Variants in STPG2 observed in about 807,000 individuals in gnomAD.
The protein encoded by STPG2 is sperm tail PG-rich repeat containing 2, also known as sperm-tail PG-rich repeat-containing protein 2.
In STPG2, 56 loss-of-function variants were observed where a neutral mutation model predicts 54.2. That is an observed-to-expected ratio of 1.03 (90% CI 0.83 to 1.29). STPG2 has a LOEUF of 1.29. Among genes scored for constraint, STPG2 ranks in the 50% most tolerant of loss-of-function variants. STPG2 has a pLI of 0.00. For missense variants in STPG2, 596 were observed against 544.9 expected (o/e 1.09, Z -0.93); for synonymous variants, 200 against 181.8 (o/e 1.10, Z -0.81).
chr4:97,992,640 T>A (rs1735057939), intron 5 of STPG2, among the ~76,000 whole-genome samples: 1 of 152,134 alleles, frequency 6.6e-6, no homozygotes, highest in African/African-American at 2.4e-5. Context: ...TGAAGAATTA[T>A]GGTGGTATTT....
chr4:98,045,771 G>C (rs1321682763), intron 5 of STPG2, among the ~76,000 whole-genome samples: 2 of 151,970 alleles, frequency 1.3e-5, no homozygotes, highest in Non-Finnish European at 2.9e-5. Flanking sequence ...ATGTACACAA[G>C]TTGCTTTTCT....
chr4:97,493,487 G>A (rs1023288526), intron 4 of STPG2, among the ~76,000 whole-genome samples: 12 of 151,308 alleles, frequency 7.9e-5, no homozygotes, highest in Non-Finnish European at 1.8e-4. Context: ...GGAGTTTTAA[G>A]GGAAGTGAGA....
intron 9 of STPG2, among the ~76,000 whole-genome samples, chr4:97,821,113 T>C (rs1351326602): frequency 6.6e-6 from 1 of 152,052 alleles, no homozygotes; most frequent in African/African-American, 2.4e-5. Flanking sequence ...TATGGGCCTA[T>C]AAAATCAAAA....
At chr4:98,003,596 T>C (rs989444032) in intron 5 of STPG2, among the ~76,000 whole-genome samples, 1 of 152,112 alleles carries the variant, frequency 6.6e-6, no homozygotes, top group African/African-American at 2.4e-5. Flanking sequence ...TTAAAAAGAC[T>C]ACATGAAATC....
chr4:97,874,721 C>A (rs1730112276), intron 8 of STPG2, among the ~76,000 whole-genome samples: 1 of 151,478 alleles, frequency 6.6e-6, no homozygotes, highest in Non-Finnish European at 1.5e-5. Context: ...ACTCAATGTG[C>A]CCCCCCAAAA....
At position 97,478,988 on chromosome 4, in the gene STPG2, T is replaced by A. The variant is rs192965023; in HGVS notation, c.462+233711A>T. On this transcript the variant is annotated intron_variant, in intron 4 of 4. Transcript: ENST00000522676. ...TGGATGCAAAGACAATTGTTCATCC[T>A]CATTAATAATAATTGGATCCCTACA... is the stretch of plus-strand genomic sequence containing the variant. Among the ~76,000 whole-genome samples the A allele has an allele frequency of 6.0e-3, 911 of 151,346 alleles. 5 individuals are homozygous for A. The highest frequency in any genetic ancestry group is 0.02 in the South Asian group (96 of 4,782).
At chr4:97,609,885 AT>A (rs1407739438) in intron 10 of STPG2, among the ~76,000 whole-genome samples, 1 of 151,966 alleles carries the variant, frequency 6.6e-6, no homozygotes, top group Admixed American at 6.6e-5. Context: ...TCATATATAC[AT>A]TTTTATCTTG....
At chr4:97,458,132 G>A (rs779724642) in intron 4 of STPG2, among the ~76,000 whole-genome samples, 2 of 152,136 alleles carry the variant, frequency 1.3e-5, no homozygotes, top group Non-Finnish European at 2.9e-5. Context: ...CCTGAAAATA[G>A]GAATGAATAC....
intron 8 of STPG2, 75 bp downstream of exon 8, chr4:97,943,822 T>C (rs546346125): frequency 3.6e-6 from 4 of 1,120,394 alleles, no homozygotes; most frequent in East Asian, 2.7e-5. Flanking sequence ...CAGGTCCTAA[T>C]ATAATGTTTA....
intron 8 of STPG2, among the ~76,000 whole-genome samples, chr4:97,878,164 T>A (rs1730244634): frequency 6.6e-6 from 1 of 152,156 alleles, no homozygotes; most frequent in Non-Finnish European, 1.5e-5. Flanking sequence ...CTTTGCAGGG[T>A]ACAGCCTCCC....
At chr4:97,898,829 A>G (rs1261865504) in intron 8 of STPG2, among the ~76,000 whole-genome samples, 1 of 151,772 alleles carries the variant, frequency 6.6e-6, no homozygotes, top group Non-Finnish European at 1.5e-5. Flanking sequence ...CGTATCTTTT[A>G]TAATTAAATT....
intron 10 of STPG2, among the ~76,000 whole-genome samples, chr4:97,600,902 T>G (rs777372153): frequency 2.0e-5 from 3 of 152,090 alleles, no homozygotes; most frequent in Admixed American, 1.3e-4. Context: ...ATAGGATTCA[T>G]AAATTGGAAT....
chr4:97,529,122 T>C (rs1053229914), intron 4 of STPG2, among the ~76,000 whole-genome samples: 1 of 152,214 alleles, frequency 6.6e-6, no homozygotes, highest in South Asian at 2.1e-4. Context: ...TATGGGTTTG[T>C]CATAAATAGC....
chr4:97,839,404 T>C (rs1189713297), intron 9 of STPG2, among the ~76,000 whole-genome samples: 1 of 151,628 alleles, frequency 6.6e-6, no homozygotes, highest in African/African-American at 2.4e-5. Context: ...TCGGTAAGAA[T>C]TTTTATGCAG....
chr4:97,474,489 T>C (rs1234103814), intron 4 of STPG2, among the ~76,000 whole-genome samples: 1 of 152,114 alleles, frequency 6.6e-6, no homozygotes, highest in Non-Finnish European at 1.5e-5. Flanking sequence ...TTTTAGTGGC[T>C]TTGAACATGA....
intron 10 of STPG2, among the ~76,000 whole-genome samples, chr4:97,694,453 G>GA (rs35072381): frequency 0.45 from 68,236 of 150,222 alleles, 16,729 homozygotes; most frequent in South Asian, 0.6. Flanking sequence ...GATTAAAACA[G>GA]AAAAAAAAAT....
At chr4:97,611,216 G>A (rs1252342237) in intron 10 of STPG2, among the ~76,000 whole-genome samples, 1 of 151,328 alleles carries the variant, frequency 6.6e-6, no homozygotes, top group Non-Finnish European at 1.5e-5. Context: ...GGTGCTGATA[G>A]GCTGCTAGGC....
intron 10 of STPG2, among the ~76,000 whole-genome samples, chr4:97,641,709 C>T (rs903255621): frequency 4.6e-5 from 7 of 151,204 alleles, no homozygotes; most frequent in Admixed American, 3.3e-4. Flanking sequence ...AAAAATTGAA[C>T]ATACATACAA....
chr4:97,920,904 G>A (rs1669746), intron 8 of STPG2, among the ~76,000 whole-genome samples: 127,388 of 152,026 alleles, frequency 0.84, 53,534 homozygotes, highest in Middle Eastern at 0.94. Flanking sequence ...ACGAAGAGTG[G>A]TATCTGCAAG....
Sources: gnomAD v4.1 joint callset for allele counts (sites outside exome capture counted in the v4.1 genomes callset) on GRCh38, gnomAD v4.1.1 for gene constraint, MANE v1.5 for transcripts, NCBI Gene and HGNC (gene_info 2026-07-23, HGNC 2026-07-21) for gene names.